Variants in PHKB observed in about 807,000 individuals in gnomAD.
PHKB encodes phosphorylase kinase regulatory subunit beta.
A neutral mutation model predicts 152.1 loss-of-function variants in PHKB; 122 were observed. That is an observed-to-expected ratio of 0.80 (90% CI 0.69 to 0.93). The LOEUF (loss-of-function observed/expected upper bound fraction) is 0.93, where lower values mean the gene tolerates loss of function less well. PHKB is among the 40% of genes least tolerant of loss of function. The pLI is 0.00. For synonymous variants in PHKB, 436 were observed against 464.9 expected (o/e 0.94, Z 0.80); for missense variants, 1,304 against 1,328.4 (o/e 0.98, Z 0.29).
intron 1 of PHKB, among the ~76,000 whole-genome samples, chr16:47,485,652 ACT>A (rs2151635902): frequency 1.3e-5 from 2 of 152,226 alleles, no homozygotes; most frequent in South Asian, 4.1e-4. Flanking sequence ...ATAAGGTCTC[ACT>A]CTGTCGCCAG....
chr16:47,649,064 CT>C, intron 17 of PHKB, 35 bp from the exon 18 acceptor site: 1 of 1,147,896 alleles, frequency 8.7e-7, no homozygotes, highest in Non-Finnish European at 1.3e-6. Flanking sequence ...TTGGTATGTT[CT>C]TTAGTTATTT....
chr16:47,471,335 G>A (rs1969763615), intron 1 of PHKB, among the ~76,000 whole-genome samples: 1 of 152,138 alleles, frequency 6.6e-6, no homozygotes, highest in South Asian at 2.1e-4. Flanking sequence ...TGGGAGCCTT[G>A]AAGATGTTTG....
intron 1 of PHKB, among the ~76,000 whole-genome samples, chr16:47,480,096 A>G (rs1255814971): frequency 6.6e-6 from 1 of 152,218 alleles, no homozygotes; most frequent in Non-Finnish European, 1.5e-5. Context: ...TACAGTAATT[A>G]GTGATCCCTT....
intron 19 of PHKB, 27 bp downstream of exon 19, chr16:47,650,653 G>C (rs755232074): frequency 3.4e-6 from 5 of 1,472,770 alleles, no homozygotes; most frequent in Non-Finnish European, 4.8e-6. Context: ...AGTAAGGTAC[G>C]TGTGTCTCAC....
In PHKB at chr16:47,669,968, C is replaced by A. The variant is rs148356694; in HGVS notation, c.2630+551C>A. On this transcript the variant is annotated intron_variant, in intron 26 of 30. Transcript: ENST00000323584. ...GCAGCATGGTGTAGGAAAAATTAAC[C>A]AGGCTCTGGAATTCAGCAGAACTGA... is the stretch of plus-strand genomic sequence containing the variant. Among the ~76,000 whole-genome samples, 389 of 152,222 alleles carry A rather than the reference C, an allele frequency of 2.6e-3. 3 individuals are homozygous for A. The highest frequency in any genetic ancestry group is 8.9e-3 in the African/African-American group (370 of 41,538).
At chr16:47,681,748 T>G (rs548413682) in intron 26 of PHKB, among the ~76,000 whole-genome samples, 4 of 152,228 alleles carry the variant, frequency 2.6e-5, no homozygotes, top group Non-Finnish European at 5.9e-5. Context: ...TGTCTTTTAG[T>G]TGGAGCATTT....
intron 13 of PHKB, 87 bp from the exon 14 acceptor site, chr16:47,610,739 T>C (rs1972411228): frequency 1.3e-6 from 1 of 771,628 alleles, no homozygotes; most frequent in African/African-American, 1.7e-5. Context: ...TATTCTTCTC[T>C]TGTTGGAGTA....
At chr16:47,648,463 A>G (rs1597149302) in intron 16 of PHKB, 70 bp from the exon 17 acceptor site, 4 of 1,055,808 alleles carry the variant, frequency 3.8e-6, no homozygotes, top group East Asian at 4.8e-5. Flanking sequence ...AATTAACAGG[A>G]CAATACTCAG....
intron 20 of PHKB, among the ~76,000 whole-genome samples, chr16:47,651,941 T>C (rs1973243916): frequency 1.3e-5 from 2 of 152,170 alleles, no homozygotes; most frequent in South Asian, 4.1e-4. Flanking sequence ...TTGGCTATCA[T>C]GTTTTAAATT....
chr16:47,655,179 T>C (rs993123074), intron 20 of PHKB, among the ~76,000 whole-genome samples: 1 of 152,098 alleles, frequency 6.6e-6, no homozygotes, highest in Admixed American at 6.5e-5. Flanking sequence ...GAACTTAAAA[T>C]AATATGTAAT....
chr16:47,651,626 G>A (rs1008847716), intron 20 of PHKB, among the ~76,000 whole-genome samples: 7 of 151,894 alleles, frequency 4.6e-5, no homozygotes, highest in Non-Finnish European at 5.9e-5. Flanking sequence ...CTAAGACTGC[G>A]GTCTATTATA....
chr16:47,647,561 G>C (rs1025391370), intron 16 of PHKB, among the ~76,000 whole-genome samples: 4 of 150,620 alleles, frequency 2.7e-5, no homozygotes, highest in Admixed American at 2.0e-4. Flanking sequence ...GCAGTGGCTC[G>C]ATCATGGCTC....
intron 6 of PHKB, among the ~76,000 whole-genome samples, chr16:47,546,007 GT>G (rs1245851728): frequency 1.3e-5 from 2 of 152,106 alleles, no homozygotes; most frequent in East Asian, 3.9e-4. Flanking sequence ...TTTTTTCAAA[GT>G]TTTTAGCTTC....
chr16:47,518,927 A>G (rs892593679), intron 6 of PHKB, among the ~76,000 whole-genome samples: 3 of 152,344 alleles, frequency 2.0e-5, no homozygotes, highest in Non-Finnish European at 4.4e-5. Context: ...AAGTAGATTC[A>G]TAGAAATAAG....
At chr16:47,615,066 C>T (rs953509046) in intron 14 of PHKB, among the ~76,000 whole-genome samples, 3 of 152,158 alleles carry the variant, frequency 2.0e-5, no homozygotes, top group Non-Finnish European at 2.9e-5. Context: ...CTCTGGCTTC[C>T]GTAGTTTCAA....
chr16:47,684,781 A>G (rs1973932809), intron 26 of PHKB, among the ~76,000 whole-genome samples: 1 of 152,184 alleles, frequency 6.6e-6, no homozygotes, highest in African/African-American at 2.4e-5. Context: ...TCTCAAAAAA[A>G]AAAAAAAGAG....
chr16:47,545,190 G>A (rs374157965), intron 6 of PHKB, among the ~76,000 whole-genome samples: 14 of 152,106 alleles, frequency 9.2e-5, no homozygotes, highest in Admixed American at 7.9e-4. Context: ...TCCTAGCATC[G>A]ATGGTCTTTC....
chr16:47,629,996 G>C (rs1972794817), intron 14 of PHKB, among the ~76,000 whole-genome samples: 2 of 151,622 alleles, frequency 1.3e-5, no homozygotes, highest in Admixed American at 1.3e-4. Context: ...GACACAGGAA[G>C]GGGAACATCA....
intron 7 of PHKB, among the ~76,000 whole-genome samples, chr16:47,570,448 C>T (rs1216220088): frequency 6.6e-6 from 1 of 152,114 alleles, no homozygotes; most frequent in Non-Finnish European, 1.5e-5. Context: ...TACATGGTCC[C>T]GTATTTCTTG....
Sources: allele counts gnomAD v4.1 joint callset (sites outside exome capture counted in the v4.1 genomes callset), GRCh38; gene constraint gnomAD v4.1.1; transcripts MANE v1.5; gene names NCBI Gene and HGNC (gene_info 2026-07-23, HGNC 2026-07-21).